SAMMSON: variants seen among roughly 807,000 people sequenced by gnomAD.
The protein encoded by SAMMSON is long intergenic non-protein coding RNA 1212.
At chr3:70,182,715 A>G (rs1182719337) in intron 4 of SAMMSON, among the ~76,000 whole-genome samples, 2 of 152,198 alleles carry the variant, frequency 1.3e-5, no homozygotes, top group African/African-American at 2.4e-5. Context: ...AGTAATGGAG[A>G]TGGCAGAACC....
chr3:70,080,258 C>T (rs1210250000), intron 4 of SAMMSON, among the ~76,000 whole-genome samples: 1 of 152,216 alleles, frequency 6.6e-6, no homozygotes, highest in East Asian at 1.9e-4. Flanking sequence ...AATTTTATGG[C>T]TTAGCTGTTT....
intron 7 of SAMMSON, among the ~76,000 whole-genome samples, chr3:70,298,634 G>A (rs1167265899): frequency 6.6e-6 from 1 of 152,082 alleles, no homozygotes; most frequent in African/African-American, 2.4e-5. Flanking sequence ...TGAAGCTCGT[G>A]TTTAGGGAAT....
intron 3 of SAMMSON, among the ~76,000 whole-genome samples, chr3:70,035,423 T>C (rs76881175): frequency 0.062 from 9,421 of 152,270 alleles, 392 homozygotes; most frequent in East Asian, 0.15. Context: ...AACTGATCAG[T>C]AACTTTAGTA....
chr3:70,296,523 T>G (rs1575619157), intron 7 of SAMMSON, among the ~76,000 whole-genome samples: 1 of 152,294 alleles, frequency 6.6e-6, no homozygotes, highest in East Asian at 1.9e-4. Flanking sequence ...AAAAAATCAT[T>G]TGGTTACTTA....
chr3:70,078,508 C>G (rs528155813), intron 4 of SAMMSON, among the ~76,000 whole-genome samples: 5 of 152,220 alleles, frequency 3.3e-5, no homozygotes, highest in South Asian at 4.1e-4. Context: ...TTCAGATTCC[C>G]CACATTCTTG....
intron 4 of SAMMSON, chr3:70,125,361 A>T: frequency 6.9e-7 from 1 of 1,456,076 alleles, no homozygotes; most frequent in Non-Finnish European, 9.4e-7. Context: ...TAAATTCTAC[A>T]GTTTGGTTCA....
intron 3 of SAMMSON, among the ~76,000 whole-genome samples, chr3:70,057,587 T>G (rs2067172750): frequency 6.6e-6 from 1 of 151,998 alleles, no homozygotes; most frequent in African/African-American, 2.4e-5. Flanking sequence ...CTTTGGCTGA[T>G]TTGCTGCTGA....
At chr3:70,244,514 C>T (rs1701688654) in intron 4 of SAMMSON, among the ~76,000 whole-genome samples, 1 of 152,120 alleles carries the variant, frequency 6.6e-6, no homozygotes, top group South Asian at 2.1e-4. Context: ...GCTGTGAAAG[C>T]TGTGAGTAGG....
rs1179556853 is a variant in SAMMSON, at chr3:70,226,631, G to A, written n.508-22476G>A. ...CGGGTGCCTGTAATCCCAGCTTCTC[G>A]GGAGGCTGAGGCAGGAGAATTGCTT... On this transcript the variant is annotated intron_variant and non_coding_transcript_variant, in intron 4 of 9. Coordinates refer to ENST00000642114, the Ensembl canonical transcript of SAMMSON. Among the ~76,000 whole-genome samples, 4 of 151,664 alleles carry A rather than the reference G, an allele frequency of 2.6e-5. No homozygotes were observed. The East Asian group carries it at 5.8e-4, about 22-fold the overall frequency.
intron 6 of SAMMSON, among the ~76,000 whole-genome samples, chr3:70,251,643 G>T (rs1359237727): frequency 6.6e-6 from 1 of 152,134 alleles, no homozygotes; most frequent in Non-Finnish European, 1.5e-5. Flanking sequence ...TTTAGGTTCT[G>T]CTTTTGCATT....
intron 6 of SAMMSON, among the ~76,000 whole-genome samples, chr3:70,278,249 T>C (rs185622806): frequency 1.4e-4 from 22 of 152,344 alleles, no homozygotes; most frequent in African/African-American, 3.8e-4. Flanking sequence ...ATTTACATTC[T>C]TGTGTGTACC....
At position 70,421,970 on chromosome 3, in the gene SAMMSON, C is replaced by T. The variant is rs376485969; in HGVS notation, n.234-40590C>T. ...TAGATGGAATTGACTAATGTCTGGT[C>T]CATTAAAAAATGCAACCCACAAGTA... On this transcript the variant is annotated intron_variant and non_coding_transcript_variant, in intron 2 of 3. Coordinates refer to the SAMMSON transcript ENST00000641053. Among the ~76,000 whole-genome samples the T allele has an allele frequency of 1.5e-4, 23 of 151,966 alleles. No homozygotes were observed. In the East Asian group the frequency reaches 4.1e-3, roughly 27 times the overall value.
At chr3:70,104,730 G>A (rs1425978894) in intron 4 of SAMMSON, among the ~76,000 whole-genome samples, 1 of 152,168 alleles carries the variant, frequency 6.6e-6, no homozygotes, top group African/African-American at 2.4e-5. Context: ...TTTTGTGGCA[G>A]TCCATATAAA....
chr3:70,226,151 A>G (rs886654535), intron 4 of SAMMSON, among the ~76,000 whole-genome samples: 1 of 152,242 alleles, frequency 6.6e-6, no homozygotes, highest in South Asian at 2.1e-4. Context: ...GAAGGAGGAC[A>G]GTAATCAGCA....
At chr3:70,078,712 C>CCGTA (rs2106639963) in intron 4 of SAMMSON, among the ~76,000 whole-genome samples, 1 of 152,218 alleles carries the variant, frequency 6.6e-6, no homozygotes, top group Admixed American at 6.5e-5. Context: ...TCAGATGACT[C>CCGTA]CGTAACAGGG....
At chr3:70,399,876 A>C (rs979851042) in intron 2 of SAMMSON, among the ~76,000 whole-genome samples, 28 of 149,512 alleles carry the variant, frequency 1.9e-4, no homozygotes, top group South Asian at 1.5e-3. Flanking sequence ...ACAAAAAAAA[A>C]ACAAAAAAAC....
intron 7 of SAMMSON, among the ~76,000 whole-genome samples, chr3:70,345,554 T>G (rs948301364): frequency 6.6e-6 from 1 of 152,214 alleles, no homozygotes; most frequent in Admixed American, 6.5e-5. Context: ...TCTATGGCTT[T>G]TAACTAACAC....
intron 9 of SAMMSON, among the ~76,000 whole-genome samples, chr3:70,382,009 G>A (rs1449678557): frequency 6.6e-6 from 1 of 152,090 alleles, no homozygotes; most frequent in Non-Finnish European, 1.5e-5. Context: ...TTGTGATTAT[G>A]TGGGAAAATG....
At chr3:70,383,789 T>C (rs1703095107) in intron 9 of SAMMSON, among the ~76,000 whole-genome samples, 1 of 151,956 alleles carries the variant, frequency 6.6e-6, no homozygotes, top group African/African-American at 2.4e-5. Flanking sequence ...ATATGTAAGG[T>C]ATTATTGCTA....
Sources: allele counts gnomAD v4.1 joint callset (sites outside exome capture counted in the v4.1 genomes callset), GRCh38; gene constraint gnomAD v4.1.1; transcripts MANE v1.5; gene names NCBI Gene and HGNC (gene_info 2026-07-23, HGNC 2026-07-21).